LRRC4C: variants seen among roughly 807,000 people sequenced by gnomAD.
LRRC4C encodes leucine rich repeat containing 4C, also known as leucine-rich repeat-containing protein 4C.
A neutral mutation model predicts 33.6 loss-of-function variants in LRRC4C; 5 were observed. The observed-to-expected ratio is 0.15, with a 90% CI of 0.08 to 0.31. The LOEUF (loss-of-function observed/expected upper bound fraction) is 0.31, where lower values mean the gene tolerates loss of function less well. Ranked by LOEUF, LRRC4C falls within the 10% of genes least tolerant of loss-of-function variation. The probability of loss-of-function intolerance (pLI) is 1.00; values close to 1 mark genes in which losing one functional copy is unlikely to be tolerated. For missense variants in LRRC4C, 560 were observed against 796.7 expected, an observed-to-expected ratio of 0.70 and a Z score of 3.58; for synonymous variants, 329 against 302.0, an observed-to-expected ratio of 1.09 and a Z score of -0.93.
chr11:40,908,798 A>T lies in LRRC4C; in HGVS notation c.-407+24837T>A, dbSNP rs541510285. Among the ~76,000 whole-genome samples the T allele has an allele frequency of 3.9e-5, 6 of 152,282 alleles. No individual in the cohort carries two copies. In the East Asian group the frequency reaches 1.2e-3, roughly 29 times the overall value. On this transcript the variant is annotated intron_variant, in intron 2 of 6. Transcript: ENST00000528697. ...AATATGCAAATTTGCATAAACCTAG[A>T]TTTTAAAATGAGATTTACAGGTGGT...
intron 4 of LRRC4C, among the ~76,000 whole-genome samples, chr11:40,277,565 A>G (rs982445981): frequency 6.6e-5 from 10 of 151,994 alleles, no homozygotes; most frequent in Non-Finnish European, 1.2e-4. Context: ...GTATCAAATT[A>G]TTATTATTAT....
At chr11:40,310,667 A>C (rs968828043) in intron 4 of LRRC4C, among the ~76,000 whole-genome samples, 17 of 152,126 alleles carry the variant, frequency 1.1e-4, no homozygotes, top group Non-Finnish European at 2.4e-4. Flanking sequence ...AACTCACAAC[A>C]ACCACCCCAC....
chr11:40,682,929 C>T (rs905507613), intron 2 of LRRC4C, among the ~76,000 whole-genome samples: 9 of 151,980 alleles, frequency 5.9e-5, no homozygotes, highest in East Asian at 1.9e-4. Flanking sequence ...CTGTTCCCCA[C>T]GTCCAAAGGC....
At chr11:41,389,367 T>C (rs1208252352) in intron 1 of LRRC4C, among the ~76,000 whole-genome samples, 1 of 151,758 alleles carries the variant, frequency 6.6e-6, no homozygotes, top group East Asian at 1.9e-4. Context: ...CTGCATAATT[T>C]ATATCATGGT....
chr11:41,138,602 A>G (rs1162281250), intron 1 of LRRC4C, among the ~76,000 whole-genome samples: 1 of 152,212 alleles, frequency 6.6e-6, no homozygotes, highest in Non-Finnish European at 1.5e-5. Context: ...TAAACAAAAT[A>G]TTTATAGGCC....
At chr11:41,002,754 G>A (rs1185672185) in intron 1 of LRRC4C, among the ~76,000 whole-genome samples, 3 of 152,140 alleles carry the variant, frequency 2.0e-5, no homozygotes, top group African/African-American at 7.2e-5. Flanking sequence ...CAGAAGAAAA[G>A]TAGAAAGTCA....
intron 1 of LRRC4C, among the ~76,000 whole-genome samples, chr11:41,020,601 C>T (rs1441456725): frequency 6.6e-6 from 1 of 152,026 alleles, no homozygotes; most frequent in Non-Finnish European, 1.5e-5. Context: ...GCTAGCAGCC[C>T]CCCAAAGCTA....
intron 3 of LRRC4C, among the ~76,000 whole-genome samples, chr11:40,431,689 A>G (rs1305926505): frequency 6.6e-6 from 1 of 152,168 alleles, no homozygotes; most frequent in Admixed American, 6.5e-5. Context: ...ACCATATTAA[A>G]TACTTCATAC....
At chr11:40,235,218 A>G (rs574151014) in intron 5 of LRRC4C, among the ~76,000 whole-genome samples, 1 of 152,252 alleles carries the variant, frequency 6.6e-6, no homozygotes, top group Non-Finnish European at 1.5e-5. Flanking sequence ...CAGATATAAT[A>G]GTCCTTGTCT....
At chr11:40,305,999 T>C (rs548186333) in intron 4 of LRRC4C, among the ~76,000 whole-genome samples, 1 of 152,338 alleles carries the variant, frequency 6.6e-6, no homozygotes, top group Non-Finnish European at 1.5e-5. Flanking sequence ...TGGCTCTCCC[T>C]TAATAATGTA....
chr11:40,799,040 TCA>T (rs1355983587), intron 2 of LRRC4C, among the ~76,000 whole-genome samples: 3 of 152,242 alleles, frequency 2.0e-5, no homozygotes, highest in Non-Finnish European at 4.4e-5. Flanking sequence ...CACATTGTTC[TCA>T]CAATTCTTCT....
intron 1 of LRRC4C, among the ~76,000 whole-genome samples, chr11:41,253,294 T>G (rs1362903565): frequency 6.6e-6 from 1 of 152,104 alleles, no homozygotes; most frequent in Non-Finnish European, 1.5e-5. Context: ...GCTAATTCTT[T>G]TCACTTTCTT....
At chr11:41,077,698 C>T (rs1939259646) in intron 1 of LRRC4C, among the ~76,000 whole-genome samples, 1 of 152,186 alleles carries the variant, frequency 6.6e-6, no homozygotes, top group African/African-American at 2.4e-5. Context: ...GACATTTTCC[C>T]TGTTGTCTTG....
At chr11:40,737,476 T>C (rs967106280) in intron 2 of LRRC4C, among the ~76,000 whole-genome samples, 15 of 152,136 alleles carry the variant, frequency 9.9e-5, no homozygotes, top group Admixed American at 8.5e-4. Context: ...AACTCCATCG[T>C]CTCAGCCCAA....
At chr11:40,891,858 G>A (rs761852414) in intron 2 of LRRC4C, among the ~76,000 whole-genome samples, 4 of 152,140 alleles carry the variant, frequency 2.6e-5, no homozygotes, top group Non-Finnish European at 4.4e-5. Flanking sequence ...TTCGGGGGCT[G>A]GGCGTGGTGG....
intron 1 of LRRC4C, among the ~76,000 whole-genome samples, chr11:41,009,089 A>T (rs1464440827): frequency 6.6e-6 from 1 of 152,066 alleles, no homozygotes; most frequent in Non-Finnish European, 1.5e-5. Context: ...ATAGCAAGAG[A>T]AGAATTCTTT....
At chr11:40,252,264 T>C (rs1866845105) in intron 4 of LRRC4C, among the ~76,000 whole-genome samples, 2 of 151,692 alleles carry the variant, frequency 1.3e-5, no homozygotes, top group African/African-American at 4.8e-5. Flanking sequence ...CGAATACACA[T>C]TTATACACAT....
intron 2 of LRRC4C, among the ~76,000 whole-genome samples, chr11:40,835,346 A>G (rs76946682): frequency 0.1 from 15,328 of 152,246 alleles, 822 homozygotes; most frequent in South Asian, 0.15. Flanking sequence ...ACTCTGTCAA[A>G]TTGCTGTAAA....
chr11:40,910,292 T>C (rs900263873), intron 2 of LRRC4C, among the ~76,000 whole-genome samples: 1 of 152,074 alleles, frequency 6.6e-6, no homozygotes, highest in Admixed American at 6.6e-5. Flanking sequence ...ATCTATTTTA[T>C]TCAAAAAATT....
Sources: gnomAD v4.1 joint callset for allele counts (sites outside exome capture counted in the v4.1 genomes callset) on GRCh38, gnomAD v4.1.1 for gene constraint, MANE v1.5 for transcripts, NCBI Gene and HGNC (gene_info 2026-07-23, HGNC 2026-07-21) for gene names.